The following GRIP1 variants were observed in gnomAD, a reference collection of about 807,000 sequenced individuals.
The protein encoded by GRIP1 is glutamate receptor interacting protein 1, also known as glutamate receptor-interacting protein 1.
Under a neutral mutation model 129.9 loss-of-function variants are expected in GRIP1, and 45 were observed. That is an observed-to-expected ratio of 0.35 (90% CI 0.27 to 0.44). GRIP1 has a LOEUF of 0.44. Among genes scored for constraint, GRIP1 ranks in the 20% least tolerant of loss-of-function variants. GRIP1 has a pLI of 1.00. For synonymous variants in GRIP1, 530 were observed against 520.8 expected (o/e 1.02, Z -0.24); for missense variants, 1,196 against 1,396.8 (o/e 0.86, Z 2.29).
chr12:66,348,750 T>G lies in GRIP1; in HGVS notation c.*269A>C. Reference sequence around the variant, plus strand: ...GTAAAAAATTTCCTCTGATGTTAATTGTAGAGTTGTGGGGGACGGCCTATT... The same window carrying G: ...GTAAAAAATTTCCTCTGATGTTAATGGTAGAGTTGTGGGGGACGGCCTATT... On this transcript the variant is annotated 3_prime_UTR_variant, in exon 25 of 25. Transcript: ENST00000359742. The G allele has an allele frequency of 8.7e-6, 4 of 461,118 alleles. No homozygotes were observed. In the East Asian group the frequency reaches 1.4e-4, roughly 17 times the overall value. 28.6% of individuals were successfully genotyped at this position (461,118 alleles called of 1,614,324 possible). A position where few individuals can be genotyped will look rare whatever the true frequency, so the allele number is the denominator to read the frequency against.
At chr12:66,694,599 G>T (rs2035090407) in intron 1 of GRIP1, among the ~76,000 whole-genome samples, 1 of 152,120 alleles carries the variant, frequency 6.6e-6, no homozygotes, top group Non-Finnish European at 1.5e-5. Context: ...TATCTAGTGT[G>T]AGGATTATGT....
chr12:67,002,733 G>A (rs1367972024), intron 1 of GRIP1, among the ~76,000 whole-genome samples: 1 of 152,008 alleles, frequency 6.6e-6, no homozygotes, highest in Admixed American at 6.6e-5. Flanking sequence ...TTACACCATG[G>A]TTTTCTTCTT....
chr12:66,549,638 T>C (rs1335513965), intron 2 of GRIP1, among the ~76,000 whole-genome samples: 4 of 152,136 alleles, frequency 2.6e-5, no homozygotes, highest in African/African-American at 7.2e-5. Context: ...ATTTTCAGTC[T>C]CAGTTTTTGC....
chr12:66,784,045 C>T (rs2038240990), intron 1 of GRIP1, among the ~76,000 whole-genome samples: 1 of 152,018 alleles, frequency 6.6e-6, no homozygotes, highest in African/African-American at 2.4e-5. Context: ...TAATTTTAAA[C>T]TTATATAATT....
At chr12:66,435,488 C>T (rs2058276985) in intron 13 of GRIP1, among the ~76,000 whole-genome samples, 1 of 152,164 alleles carries the variant, frequency 6.6e-6, no homozygotes. Flanking sequence ...ACAGGCGGAG[C>T]CACTGCACCT....
chr12:66,486,848 T>G (rs2059969112), intron 7 of GRIP1, among the ~76,000 whole-genome samples: 1 of 151,980 alleles, frequency 6.6e-6, no homozygotes, highest in African/African-American at 2.4e-5. Context: ...TATAGTGCAG[T>G]GGTATGATCA....
intron 23 of GRIP1, among the ~76,000 whole-genome samples, chr12:66,363,199 C>CTATATATATATATATATATATATATA (rs1565666323): frequency 2.8e-5 from 1 of 35,338 alleles, no homozygotes; most frequent in African/African-American, 7.6e-5. Context: ...GTGTGTGTGT[C>CTATATATATATATATATATATATATA]CATATATATA....
In GRIP1 at chr12:66,420,528, T is replaced by A. The variant is rs1431620060; in HGVS notation, c.1838+192A>T. Among the ~76,000 whole-genome samples the A allele has an allele frequency of 2.0e-5, 3 of 148,060 alleles. No individual in the cohort carries two copies. In the Admixed American group the frequency reaches 2.1e-4, roughly 10 times the overall value. Reference sequence around the variant, plus strand: ...ATGTTTTCAGCTGTGCAGAAATAAATTGATAAGCAGGAAGAGATCTATGGA... The same window carrying A: ...ATGTTTTCAGCTGTGCAGAAATAAAATGATAAGCAGGAAGAGATCTATGGA... On this transcript the variant is annotated intron_variant, in intron 15 of 24. Transcript: ENST00000359742.
chr12:66,965,273 A>G (rs1462958721), intron 1 of GRIP1, among the ~76,000 whole-genome samples: 3 of 152,086 alleles, frequency 2.0e-5, no homozygotes, highest in Non-Finnish European at 4.4e-5. Flanking sequence ...TAAAGAAAAT[A>G]TATTTTACTC....
At chr12:67,066,393 C>T (rs560196135) in intron 1 of GRIP1, among the ~76,000 whole-genome samples, 2 of 152,016 alleles carry the variant, frequency 1.3e-5, no homozygotes, top group East Asian at 1.9e-4. Context: ...TATTAATTTG[C>T]GTTACATCTC....
At chr12:66,932,152 A>G (rs2041406767) in intron 1 of GRIP1, among the ~76,000 whole-genome samples, 1 of 126,506 alleles carries the variant, frequency 7.9e-6, no homozygotes, top group Admixed American at 7.7e-5. Context: ...GGCCACCAAT[A>G]TAAAGGCTCC....
At chr12:66,845,609 T>C (rs2039800051) in intron 1 of GRIP1, among the ~76,000 whole-genome samples, 1 of 152,232 alleles carries the variant, frequency 6.6e-6, no homozygotes, top group South Asian at 2.1e-4. Context: ...GACTGAGTTC[T>C]ATGATCTGGG....
chr12:66,961,907 T>C (rs1319638996), intron 1 of GRIP1, among the ~76,000 whole-genome samples: 4 of 152,166 alleles, frequency 2.6e-5, no homozygotes, highest in Non-Finnish European at 5.9e-5. Flanking sequence ...TTGCTTACTC[T>C]AATGTATTTC....
intron 1 of GRIP1, among the ~76,000 whole-genome samples, chr12:66,864,397 T>C (rs950103820): frequency 6.6e-6 from 1 of 152,118 alleles, no homozygotes; most frequent in Non-Finnish European, 1.5e-5. Flanking sequence ...AATAATATGA[T>C]CTGACCATAT....
intron 1 of GRIP1, among the ~76,000 whole-genome samples, chr12:66,602,119 A>G (rs1410061000): frequency 3.3e-5 from 5 of 152,190 alleles, no homozygotes; most frequent in African/African-American, 4.8e-5. Context: ...AGGCTTTCAG[A>G]TAACATGGTA....
intron 15 of GRIP1, among the ~76,000 whole-genome samples, chr12:66,412,197 A>G (rs1489144817): frequency 6.6e-6 from 1 of 152,214 alleles, no homozygotes; most frequent in Non-Finnish European, 1.5e-5. Flanking sequence ...TCCAAGGTCG[A>G]AATGAAAGAA....
chr12:66,491,685 C>A (rs1196471547), intron 7 of GRIP1, among the ~76,000 whole-genome samples: 1 of 152,086 alleles, frequency 6.6e-6, no homozygotes, highest in Non-Finnish European at 1.5e-5. Flanking sequence ...CTTTGAGGAC[C>A]AATCTTTCAG....
chr12:66,561,303 G>T (rs1203580674), intron 2 of GRIP1, among the ~76,000 whole-genome samples: 1 of 152,042 alleles, frequency 6.6e-6, no homozygotes, highest in East Asian at 1.9e-4. Flanking sequence ...GATAATAATT[G>T]TACATCTTAA....
At chr12:67,032,072 C>A (rs1393761449) in intron 1 of GRIP1, among the ~76,000 whole-genome samples, 1 of 152,138 alleles carries the variant, frequency 6.6e-6, no homozygotes, top group Non-Finnish European at 1.5e-5. Flanking sequence ...TAAAGCCTTT[C>A]CTAATTTTCC....
Sources: gnomAD v4.1 joint callset for allele counts (sites outside exome capture counted in the v4.1 genomes callset) on GRCh38, gnomAD v4.1.1 for gene constraint, MANE v1.5 for transcripts, NCBI Gene and HGNC (gene_info 2026-07-23, HGNC 2026-07-21) for gene names.